RBFOX1: variants seen among roughly 807,000 people sequenced by gnomAD.
RBFOX1 encodes the protein RNA binding protein fox-1 homolog 1.
RBFOX1 carries 8 observed loss-of-function variants against 57.7 expected under a neutral mutation model. The ratio of observed to expected loss-of-function variants is 0.14; its 90% CI spans 0.08 to 0.25. The LOEUF is 0.25. RBFOX1 is among the 10% of genes least tolerant of loss of function. The probability of loss-of-function intolerance (pLI) is 1.00; values close to 1 mark genes in which losing one functional copy is unlikely to be tolerated. For missense variants in RBFOX1, 611 were observed against 548.5 expected, an observed-to-expected ratio of 1.11 and a Z score of -1.14; for synonymous variants, 326 against 222.4, an observed-to-expected ratio of 1.47 and a Z score of -4.15.
intron 3 of RBFOX1, among the ~76,000 whole-genome samples, chr16:6,745,709 G>T (rs75277181): frequency 2.0e-4 from 31 of 152,284 alleles, no homozygotes; most frequent in Non-Finnish European, 4.1e-4. Context: ...AGGAAATACT[G>T]GTGTTGCCCC....
At chr16:7,350,175 G>A (rs1317500212) in intron 4 of RBFOX1, among the ~76,000 whole-genome samples, 1 of 152,076 alleles carries the variant, frequency 6.6e-6, no homozygotes, top group African/African-American at 2.4e-5. Flanking sequence ...TGGTTACATG[G>A]TAGTGACTGA....
intron 2 of RBFOX1, among the ~76,000 whole-genome samples, chr16:5,528,711 G>A (rs528267393): frequency 5.3e-5 from 8 of 150,252 alleles, no homozygotes; most frequent in Admixed American, 2.0e-4. Flanking sequence ...CTGCAGTGGC[G>A]CAATCTCGGC....
chr16:6,664,873 C>T (rs760567622), intron 3 of RBFOX1, among the ~76,000 whole-genome samples: 1 of 152,184 alleles, frequency 6.6e-6, no homozygotes, highest in Admixed American at 6.5e-5. Context: ...CCTTCACCAG[C>T]TGGCAGACCT....
intron 2 of RBFOX1, among the ~76,000 whole-genome samples, chr16:6,572,836 C>T (rs993208265): frequency 6.6e-6 from 1 of 152,234 alleles, no homozygotes. Context: ...TCAAGTGATC[C>T]ACCCACCTTC....
intron 4 of RBFOX1, among the ~76,000 whole-genome samples, chr16:5,905,723 T>G (rs2058440969): frequency 6.6e-6 from 1 of 152,090 alleles, no homozygotes; most frequent in Non-Finnish European, 1.5e-5. Context: ...AGACAGCATC[T>G]AGAAGCCAAG....
chr16:6,582,672 T>A (rs994698326), intron 2 of RBFOX1, among the ~76,000 whole-genome samples: 3 of 151,978 alleles, frequency 2.0e-5, no homozygotes, highest in Non-Finnish European at 4.4e-5. Context: ...CCTTTCTTTT[T>A]CCCTCCACCA....
chr16:6,837,982 A>T (rs954659594), intron 3 of RBFOX1, among the ~76,000 whole-genome samples: 3 of 150,372 alleles, frequency 2.0e-5, no homozygotes, highest in Non-Finnish European at 4.4e-5. Context: ...ACCCCTTTCC[A>T]TGGCAATACT....
At chr16:5,389,683 A>ATTATT (rs1391460655) in intron 1 of RBFOX1, among the ~76,000 whole-genome samples, 14 of 147,546 alleles carry the variant, frequency 9.5e-5, no homozygotes, top group Admixed American at 8.8e-4. Flanking sequence ...ATTTTATTTT[A>ATTATT]TTATTTTATT....
In RBFOX1 at chr16:7,247,597, A is replaced by G. The variant is rs539261010; in HGVS notation, c.27+195499A>G. On this transcript the variant is annotated intron_variant, in intron 4 of 15. Coordinates refer to ENST00000550418, the MANE Select transcript of RBFOX1 (RefSeq NM_018723.4). Reference sequence around the variant, plus strand: ...AACAAAAGCTAAAAGCCCCCAGGTCATCCTTAAATGAATGTATATCCTGAT... The same window carrying G: ...AACAAAAGCTAAAAGCCCCCAGGTCGTCCTTAAATGAATGTATATCCTGAT... 3.5e-4 allele frequency among the ~76,000 whole-genome samples: 54 copies of G among 152,350 alleles called. 1 individual carries two copies. Among genetic ancestry groups the G allele is most frequent in the African/African-American group, 1.2e-3 (49 of 41,584 alleles).
At chr16:7,385,785 G>A (rs555648036) in intron 4 of RBFOX1, among the ~76,000 whole-genome samples, 5 of 151,998 alleles carry the variant, frequency 3.3e-5, no homozygotes, top group African/African-American at 7.2e-5. Context: ...ATAGAGTCTC[G>A]CTGTGTCACC....
intron 3 of RBFOX1, among the ~76,000 whole-genome samples, chr16:6,938,215 G>A (rs1251807345): frequency 1.3e-5 from 2 of 152,136 alleles, no homozygotes; most frequent in East Asian, 1.9e-4. Flanking sequence ...TCATTGTCCA[G>A]ATTAGATCAT....
chr16:7,186,968 G>A (rs1004648572), intron 4 of RBFOX1, among the ~76,000 whole-genome samples: 6 of 141,626 alleles, frequency 4.2e-5, no homozygotes, highest in Non-Finnish European at 9.0e-5. Context: ...GACCAGCCTG[G>A]GCAACATGAG....
chr16:5,915,404 C>G (rs765132786), intron 4 of RBFOX1, among the ~76,000 whole-genome samples: 1 of 152,150 alleles, frequency 6.6e-6, no homozygotes, highest in Non-Finnish European at 1.5e-5. Context: ...AACACTTGTA[C>G]CTAAATGATG....
intron 3 of RBFOX1, among the ~76,000 whole-genome samples, chr16:6,998,799 T>C (rs866017334): frequency 1.8e-4 from 27 of 152,140 alleles, no homozygotes; most frequent in Admixed American, 1.8e-3. Context: ...CTAAAATTCC[T>C]TCTGAGTACT....
At chr16:6,639,472 C>G (rs2098469728) in intron 2 of RBFOX1, among the ~76,000 whole-genome samples, 1 of 151,930 alleles carries the variant, frequency 6.6e-6, no homozygotes, top group Non-Finnish European at 1.5e-5. Flanking sequence ...ATAGTAATGA[C>G]CCGGAGGAAT....
chr16:6,683,198 A>G (rs1257677655), intron 3 of RBFOX1, among the ~76,000 whole-genome samples: 4 of 152,182 alleles, frequency 2.6e-5, no homozygotes, highest in African/African-American at 9.7e-5. Flanking sequence ...CACATAAAAA[A>G]ATAAAAAGGG....
intron 1 of RBFOX1, among the ~76,000 whole-genome samples, chr16:6,249,527 A>C (rs980304650): frequency 9.2e-5 from 14 of 152,144 alleles, no homozygotes; most frequent in Non-Finnish European, 1.8e-4. Context: ...CCATCTCAAA[A>C]AAACAAACAA....
intron 1 of RBFOX1, among the ~76,000 whole-genome samples, chr16:5,414,579 G>A (rs551239010): frequency 6.6e-6 from 1 of 152,258 alleles, no homozygotes; most frequent in Non-Finnish European, 1.5e-5. Context: ...AGGCATCGTG[G>A]GTTGGTGTCC....
intron 4 of RBFOX1, among the ~76,000 whole-genome samples, chr16:6,005,430 C>T (rs536209088): frequency 6.6e-6 from 1 of 152,326 alleles, no homozygotes; most frequent in South Asian, 2.1e-4. Context: ...GCAACAGTGT[C>T]CCTGCCCCCA....
Sources: gnomAD v4.1 joint callset for allele counts (sites outside exome capture counted in the v4.1 genomes callset) on GRCh38, gnomAD v4.1.1 for gene constraint, MANE v1.5 for transcripts, NCBI Gene and HGNC (gene_info 2026-07-23, HGNC 2026-07-21) for gene names.